PTPRN2: variants seen among roughly 807,000 people sequenced by gnomAD.
PTPRN2 encodes protein tyrosine phosphatase receptor type N2.
Under a neutral mutation model 118.8 loss-of-function variants are expected in PTPRN2, and 74 were observed. The observed-to-expected ratio is 0.62, with a 90% CI of 0.52 to 0.76. The LOEUF (loss-of-function observed/expected upper bound fraction) is 0.76. Among genes scored for constraint, PTPRN2 ranks in the 30% least tolerant of loss-of-function variants. PTPRN2 has a pLI of 0.00. For missense variants in PTPRN2, 1,481 were observed against 1,394.4 expected (o/e 1.06, Z -0.99); for synonymous variants, 641 against 608.0 (o/e 1.05, Z -0.80).
intron 12 of PTPRN2, among the ~76,000 whole-genome samples, chr7:157,888,530 C>T (rs896383519): frequency 1.3e-5 from 2 of 152,258 alleles, no homozygotes; most frequent in Non-Finnish European, 1.5e-5. Flanking sequence ...CTCTCTGCCC[C>T]ACCAGCCCAT....
chr7:158,188,189 TGGGG>T (rs1825359567), intron 5 of PTPRN2, among the ~76,000 whole-genome samples: 1 of 62,296 alleles, frequency 1.6e-5, no homozygotes, highest in South Asian at 5.4e-4. Flanking sequence ...CGCCCCGCGA[TGGGG>T]AAGGCCGCCA....
At chr7:158,469,033 C>T (rs13311843) in intron 2 of PTPRN2, among the ~76,000 whole-genome samples, 16 of 137,326 alleles carry the variant, frequency 1.2e-4, no homozygotes, top group African/African-American at 4.5e-4. Context: ...ACACACACTC[C>T]GGGTGGATCA....
At chr7:158,077,721 C>T (rs926242181) in intron 11 of PTPRN2, among the ~76,000 whole-genome samples, 1 of 152,166 alleles carries the variant, frequency 6.6e-6, no homozygotes, top group Admixed American at 6.5e-5. Context: ...CCCCACAGGC[C>T]ACCGGGTGAG....
chr7:158,149,255 A>G (rs1368310269), intron 6 of PTPRN2, among the ~76,000 whole-genome samples: 1 of 152,036 alleles, frequency 6.6e-6, no homozygotes, highest in South Asian at 2.1e-4. Flanking sequence ...AGTACAGGGA[A>G]CCCAATTTCC....
intron 4 of PTPRN2, among the ~76,000 whole-genome samples, chr7:158,194,178 G>C (rs371598040): frequency 1.3e-5 from 2 of 152,184 alleles, no homozygotes; most frequent in Non-Finnish European, 2.9e-5. Flanking sequence ...GTGTGAGTGC[G>C]TGTGTGCGTT....
At position 157,596,127 on chromosome 7, in the gene PTPRN2, G is replaced by C. The variant is rs918817607; in HGVS notation, c.2419-812C>G. On this transcript the variant is annotated intron_variant, in intron 16 of 22. Coordinates refer to ENST00000389418, the MANE Select transcript of PTPRN2 (RefSeq NM_002847.5). The surrounding 1 kb of genome is among the most constrained non-coding windows in gnomAD (Gnocchi z 4.2). ...AAGCTCTCAATGGAGAGTGTGAACA[G>C]GGTTCCTCCAGGCCTCATGGACAAA... Among the ~76,000 whole-genome samples the C allele has an allele frequency of 6.6e-6, 1 of 152,246 alleles. No individual in the cohort carries two copies. Among genetic ancestry groups the C allele is most frequent in the African/African-American group, 2.4e-5 (1 of 41,474 alleles).
At chr7:158,194,412 A>G (rs921046167) in intron 4 of PTPRN2, among the ~76,000 whole-genome samples, 1 of 152,224 alleles carries the variant, frequency 6.6e-6, no homozygotes, top group Admixed American at 6.5e-5. Flanking sequence ...TGCTGCCCAC[A>G]GACAAGGGCA....
intron 2 of PTPRN2, among the ~76,000 whole-genome samples, chr7:158,488,499 T>G (rs1270164061): frequency 6.6e-6 from 1 of 151,290 alleles, no homozygotes; most frequent in Non-Finnish European, 1.5e-5. Flanking sequence ...GCCCCAAAAT[T>G]CCATCCGGAA....
chr7:157,580,578 C>T (rs922408657), intron 17 of PTPRN2, among the ~76,000 whole-genome samples: 1 of 133,894 alleles, frequency 7.5e-6, no homozygotes, highest in African/African-American at 2.8e-5. Context: ...ACATCCGAGC[C>T]CCTGCACACC....
At chr7:158,105,931 T>C (rs972712442) in intron 10 of PTPRN2, among the ~76,000 whole-genome samples, 3 of 150,802 alleles carry the variant, frequency 2.0e-5, no homozygotes, top group African/African-American at 4.9e-5. Context: ...TCCATACTAC[T>C]GTATACCCAG....
At chr7:157,840,358 G>C (rs1249061438) in intron 12 of PTPRN2, among the ~76,000 whole-genome samples, 1 of 141,654 alleles carries the variant, frequency 7.1e-6, no homozygotes, top group Non-Finnish European at 1.5e-5. Context: ...GCGTGTGACT[G>C]TGTGGCCGCG....
At chr7:157,568,129 T>C (rs1799577624) in intron 21 of PTPRN2, among the ~76,000 whole-genome samples, 1 of 152,198 alleles carries the variant, frequency 6.6e-6, no homozygotes, top group African/African-American at 2.4e-5. Context: ...AAAAGCTCTG[T>C]CCAAAGTGAT....
intron 2 of PTPRN2, among the ~76,000 whole-genome samples, chr7:158,440,407 G>A (rs1257851707): frequency 1.3e-5 from 2 of 152,216 alleles, no homozygotes; most frequent in East Asian, 3.8e-4. Flanking sequence ...TGATGGTAGT[G>A]GTGGTGGTGA....
intron 11 of PTPRN2, among the ~76,000 whole-genome samples, chr7:157,991,978 A>G (rs1204868578): frequency 1.3e-5 from 2 of 152,188 alleles, no homozygotes; most frequent in African/African-American, 4.8e-5. Context: ...TCAGGCCAGC[A>G]CAGGCACAGC....
intron 2 of PTPRN2, among the ~76,000 whole-genome samples, chr7:158,453,810 C>T (rs1366430984): frequency 1.3e-5 from 2 of 152,236 alleles, no homozygotes; most frequent in Admixed American, 1.3e-4. Flanking sequence ...GACGGAGACA[C>T]TTAGAAACTC....
intron 9 of PTPRN2, among the ~76,000 whole-genome samples, chr7:158,126,403 CA>C (rs1441919749): frequency 4.4e-5 from 1 of 22,718 alleles, no homozygotes; most frequent in Non-Finnish European, 9.7e-5. Context: ...CACCAGCCCC[CA>C]GGACAGCGGG....
intron 11 of PTPRN2, among the ~76,000 whole-genome samples, chr7:157,993,369 A>G (rs1179117495): frequency 2.0e-5 from 3 of 151,402 alleles, no homozygotes; most frequent in Admixed American, 6.6e-5. Context: ...GCCTCCGCAA[A>G]AAAAGACCCC....
At chr7:158,224,463 A>G (rs1302446948) in intron 3 of PTPRN2, among the ~76,000 whole-genome samples, 5 of 152,220 alleles carry the variant, frequency 3.3e-5, no homozygotes, top group Non-Finnish European at 7.3e-5. Context: ...TATTTTTGAC[A>G]AAGATGCATA....
chr7:158,327,450 CCTG>C (rs1461733844), intron 2 of PTPRN2, among the ~76,000 whole-genome samples: 3 of 150,422 alleles, frequency 2.0e-5, no homozygotes, highest in East Asian at 2.0e-4. Context: ...CATGCACACA[CCTG>C]CTCACACATG....
Sources: allele counts gnomAD v4.1 joint callset (sites outside exome capture counted in the v4.1 genomes callset), GRCh38; gene constraint gnomAD v4.1.1; non-coding constraint Gnocchi (gnomAD v3.1); transcripts MANE v1.5; gene names NCBI Gene and HGNC (gene_info 2026-07-23, HGNC 2026-07-21).